CAPRIN2: variants seen among roughly 807,000 people sequenced by gnomAD.
The protein encoded by CAPRIN2 is caprin family member 2.
CAPRIN2 carries 66 observed loss-of-function variants against 130.4 expected under a neutral mutation model. That is an observed-to-expected ratio of 0.51 (90% CI 0.42 to 0.62). CAPRIN2 has a LOEUF of 0.62. Among genes scored for constraint, CAPRIN2 ranks in the 20% least tolerant of loss-of-function variants. CAPRIN2 has a pLI of 0.00. For missense variants in CAPRIN2, 1,185 were observed against 1,246.6 expected, an observed-to-expected ratio of 0.95 and a Z score of 0.74; for synonymous variants, 471 against 444.1, an observed-to-expected ratio of 1.06 and a Z score of -0.76.
rs75087710 is a variant in CAPRIN2 at position 30,732,000 on chromosome 12, T to C, written c.893-490A>G. On this transcript the variant is annotated intron_variant, in intron 5 of 16. Transcript: ENST00000298892. ...AGAAGTAAAAGTCAGTTCCTCAAAA[T>C]CTATTAGATTGGGTTAGAAAATCCT... 5.6e-3 allele frequency among the ~76,000 whole-genome samples: 845 copies of C among 152,150 alleles called. 4 individuals are homozygous for C. The highest frequency in any genetic ancestry group is 0.02 in the African/African-American group (817 of 41,538).
chr12:30,730,133 A>C, intron 7 of CAPRIN2, 106 bp downstream of exon 8: 1 of 866,246 alleles, frequency 1.2e-6, no homozygotes, highest in East Asian at 2.5e-5. Flanking sequence ...CTGCAGAACC[A>C]GGGTTCAAGC....
rs1044324557 is a variant in CAPRIN2 at position 30,716,145 on chromosome 12, G to C, written c.2317+363C>G. On this transcript the variant is annotated intron_variant, in intron 13 of 16. Coordinates refer to ENST00000298892, the Ensembl canonical transcript of CAPRIN2. ...TTTTATTATAAGATAGAAAAGGACA[G>C]ATAACCATTTGTTAAAAGGATTAAC... The C allele has an allele frequency of 2.4e-5, 5 of 211,890 alleles. No individual in the cohort carries two copies. In the South Asian group the frequency reaches 3.9e-4, roughly 17 times the overall value. The allele number at this position is 211,890 out of a possible 1,614,324, so 13.1% of individuals were successfully genotyped here. A position where few individuals can be genotyped will look rare whatever the true frequency, so the allele number is the denominator to read the frequency against.
Position 30,719,165 on chromosome 12 carries a change from T to C in CAPRIN2, c.2148+1646A>G, listed in dbSNP as rs771210644. 2.5e-6 allele frequency: 4 copies of C among 1,613,950 alleles called. No individual in the cohort carries two copies. The highest frequency in any genetic ancestry group is 3.4e-6 in the Non-Finnish European group (4 of 1,179,966). ...GACTGGAAGCCCTGTTCAGAGCCCT[T>C]TGCCATGGGAGGATTTGGAGAAGCT... is the stretch of plus-strand genomic sequence containing the variant. On this transcript the variant is annotated intron_variant, in intron 12 of 16. Transcript: ENST00000298892.
exon 1 of CAPRIN2, chr12:30,753,941 T>C (rs33255): frequency 3.3e-6 from 2 of 606,780 alleles, no homozygotes; most frequent in African/African-American, 3.7e-5. Flanking sequence ...ATAATTCCCA[T>C]GGCCACGTGA....
intron 3 of CAPRIN2, 97 bp from the exon 5 acceptor site, chr12:30,735,303 G>T: frequency 1.1e-6 from 1 of 893,084 alleles, no homozygotes; most frequent in Non-Finnish European, 1.8e-6. Context: ...GCTGAGATTA[G>T]ATGATAAATC....
chr12:30,752,066 C>T (rs1045184097), intron 1 of CAPRIN2, among the ~76,000 whole-genome samples: 3 of 151,578 alleles, frequency 2.0e-5, no homozygotes, highest in African/African-American at 4.8e-5. Context: ...TTACAGGCAC[C>T]CCCCACCACG....
intron 2 of CAPRIN2, among the ~76,000 whole-genome samples, chr12:30,748,797 A>G (rs1484902740): frequency 1.3e-5 from 2 of 152,166 alleles, no homozygotes; most frequent in Non-Finnish European, 2.9e-5. Flanking sequence ...TTCATTTTAT[A>G]CTTAGTAAAT....
chr12:30,713,946 T>A, intron 14 of CAPRIN2, 61 bp from the exon 17 acceptor site: 1 of 971,084 alleles, frequency 1.0e-6, no homozygotes, highest in Non-Finnish European at 1.6e-6. Flanking sequence ...TTTTAAACAG[T>A]CTAATTCTAT....
intron 9 of CAPRIN2, among the ~76,000 whole-genome samples, chr12:30,725,390 C>T (rs562729740): frequency 9.9e-5 from 15 of 152,106 alleles, no homozygotes; most frequent in Non-Finnish European, 1.9e-4. Flanking sequence ...GAATTTAAAC[C>T]CAGGCCCATA....
chr12:30,729,475 T>C (rs1484877921), intron 7 of CAPRIN2, 150 bp from the exon 9 acceptor site: 4 of 555,136 alleles, frequency 7.2e-6, no homozygotes, highest in Non-Finnish European at 1.2e-5. Context: ...AAGACTTTCC[T>C]ACTTCTCTTT....
rs371934122 is a variant in CAPRIN2 at position 30,735,196 on chromosome 12, G to A, written c.581C>T (p.Ala194Val). 3.8e-5 allele frequency: 61 copies of A among 1,613,196 alleles called. No homozygotes were observed. The highest frequency in any genetic ancestry group is 4.8e-5 in the Non-Finnish European group (57 of 1,179,470). Reference sequence around the variant, plus strand: ...CTCCCTTCTCTGGGCCTTCTTTTGCGCTTTTAGTAGCTGTTAAAACAAATG... The same window carrying A: ...CTCCCTTCTCTGGGCCTTCTTTTGCACTTTTAGTAGCTGTTAAAACAAATG... Residue 194 changes from alanine (A) to valine (V), a missense_variant, in exon 4 of 17, where the codon GCG (alanine) becomes GTG (valine). Around this residue, in one of 2 missense-constraint regions of CAPRIN2, gnomAD observed 1,104 missense variants for 1,104.3 expected, o/e 1.00. Transcript: ENST00000298892.
intron 2 of CAPRIN2, among the ~76,000 whole-genome samples, chr12:30,747,230 T>C (rs1749237258): frequency 6.6e-6 from 1 of 152,166 alleles, no homozygotes; most frequent in African/African-American, 2.4e-5. Context: ...AAAAAAGATT[T>C]CTTTCAAAAT....
intron 2 of CAPRIN2, among the ~76,000 whole-genome samples, 168 bp downstream of exon 3, chr12:30,750,903 C>A (rs963763491): frequency 1.3e-5 from 2 of 152,232 alleles, no homozygotes; most frequent in Non-Finnish European, 2.9e-5. Context: ...AAAGTCATAT[C>A]TGAGATCTAA....
At chr12:30,730,142 G>T in intron 7 of CAPRIN2, 97 bp downstream of exon 8, 1 of 982,052 alleles carries the variant, frequency 1.0e-6, no homozygotes, top group Non-Finnish European at 1.6e-6. Flanking sequence ...CAGGGTTCAA[G>T]CTCAGGCAGT....
In CAPRIN2 at chr12:30,752,274, T is replaced by C. The variant is rs528749624; in HGVS notation, c.420+1070A>G. Among the ~76,000 whole-genome samples the C allele has an allele frequency of 8.5e-4, 129 of 152,210 alleles. 1 individual carries two copies. The highest frequency in any genetic ancestry group is 3.0e-3 in the African/African-American group (126 of 41,502). ...TAGGTTCCTCCTGTATTGGCTTTAG[T>C]GGAAAAATTCTTTCCCAGAAGGTTG... On this transcript the variant is annotated intron_variant, in intron 1 of 16. Coordinates refer to ENST00000298892, the Ensembl canonical transcript of CAPRIN2.
rs970393670 is a variant in CAPRIN2, at chr12:30,734,815, T to C, written c.809+153A>G. 19 of 636,312 alleles carry C rather than the reference T, an allele frequency of 3.0e-5. No individual in the cohort carries two copies. The Admixed American group carries it at 4.2e-4, about 14-fold the overall frequency. 39.4% of individuals were successfully genotyped at this position (636,312 alleles called of 1,614,324 possible). ...GCCAAGGTTTCCATATTGAATCAAA[T>C]TAATACTTTCTTAAGTTCTCTCTCC... On this transcript the variant is annotated intron_variant, in intron 4 of 16. Transcript: ENST00000298892.
At chr12:30,746,162 G>A (rs1565695626) in intron 2 of CAPRIN2, among the ~76,000 whole-genome samples, 1 of 152,238 alleles carries the variant, frequency 6.6e-6, no homozygotes, top group African/African-American at 2.4e-5. Context: ...TGAATGAGTA[G>A]ATGGAGCACA....
intron 5 of CAPRIN2, 39 bp downstream of exon 6, chr12:30,733,590 T>A (rs1316066899): frequency 6.0e-6 from 8 of 1,343,936 alleles, no homozygotes; most frequent in Non-Finnish European, 8.6e-6. Context: ...ACATAAAGTT[T>A]AGTATTTACT....
intron 1 of CAPRIN2, among the ~76,000 whole-genome samples, chr12:30,751,909 ATTTT>A (rs574883707): frequency 4.2e-4 from 37 of 87,860 alleles, no homozygotes; most frequent in African/African-American, 1.3e-3. Flanking sequence ...CCACTATGGT[ATTTT>A]TTTTTTTTTT....
Sources: gnomAD v4.1 joint callset for allele counts (sites outside exome capture counted in the v4.1 genomes callset) on GRCh38, gnomAD v4.1.1 for gene constraint, gnomAD v4.1.1 regional missense constraint, MANE v1.5 for transcripts, NCBI Gene and HGNC (gene_info 2026-07-23, HGNC 2026-07-21) for gene names.